Variants in AZIN2 observed in about 807,000 individuals in gnomAD.
AZIN2 encodes the protein ODC antizyme inhibitor-2.
AZIN2 carries 28 observed loss-of-function variants against 47.8 expected under a neutral mutation model. The observed-to-expected ratio is 0.59, with a 90% CI of 0.43 to 0.80. The LOEUF (loss-of-function observed/expected upper bound fraction) is 0.80, where lower values mean the gene tolerates loss of function less well. Ranked by LOEUF, AZIN2 falls within the 30% of genes least tolerant of loss-of-function variation. AZIN2 has a pLI of 0.00. For missense variants in AZIN2, 535 were observed against 582.5 expected, an observed-to-expected ratio of 0.92 and a Z score of 0.84; for synonymous variants, 221 against 239.4, an observed-to-expected ratio of 0.92 and a Z score of 0.71.
the AZIN2 span, among the ~76,000 whole-genome samples, chr1:33,149,473 C>T: frequency 6.7e-6 from 1 of 148,972 alleles, no homozygotes; most frequent in South Asian, 2.1e-4. Flanking sequence ...AAAAAAAATA[C>T]AGACAGGGTC....
intron 4 of AZIN2, chr1:33,082,694 C>A: frequency 4.9e-6 from 1 of 204,094 alleles, no homozygotes; most frequent in Non-Finnish European, 1.0e-5. Flanking sequence ...ACCTCGCTTT[C>A]TAGTTCAGTC....
chr1:33,165,496 A>G, the AZIN2 span: 11 of 1,608,426 alleles, frequency 6.8e-6, no homozygotes, highest in East Asian at 2.5e-4. This position sits in a 1 kb window ranked among gnomAD's most constrained non-coding sequence, Gnocchi z 4.0. Flanking sequence ...TTGTCGCTTG[A>G]GCAGCTGCAG....
chr1:33,136,790 A>T, the AZIN2 span, among the ~76,000 whole-genome samples: 1 of 151,560 alleles, frequency 6.6e-6, no homozygotes, highest in Non-Finnish European at 1.5e-5. Flanking sequence ...AGAGGTCAGG[A>T]GTCCGAGACC....
At chr1:33,129,267 TG>T in the AZIN2 span, among the ~76,000 whole-genome samples, 1 of 152,194 alleles carries the variant, frequency 6.6e-6, no homozygotes, top group African/African-American at 2.4e-5. This position sits in a 1 kb window ranked among gnomAD's most constrained non-coding sequence, Gnocchi z 4.1. Flanking sequence ...ACTTATGGGT[TG>T]GGGGTTCATC....
chr1:33,127,264 G>C (rs755984534), downstream of AZIN2, among the ~76,000 whole-genome samples: 3 of 152,258 alleles, frequency 2.0e-5, no homozygotes, highest in Admixed American at 2.0e-4. Flanking sequence ...GGAACCCCCA[G>C]CTCACGGCCC....
the AZIN2 span, among the ~76,000 whole-genome samples, chr1:33,159,188 A>G: frequency 6.6e-6 from 1 of 152,110 alleles, no homozygotes; most frequent in South Asian, 2.1e-4. This position sits in a 1 kb window ranked among gnomAD's most constrained non-coding sequence, Gnocchi z 4.2. Context: ...TGACAGTGGT[A>G]ACTACTTTCA....
intron 10 of AZIN2, among the ~76,000 whole-genome samples, chr1:33,104,027 C>T (rs903563903): frequency 4.6e-5 from 7 of 151,874 alleles, no homozygotes; most frequent in Admixed American, 2.0e-4. Flanking sequence ...GGATTACAGG[C>T]GCCCGTCACT....
At chr1:33,130,025 A>G in the AZIN2 span, among the ~76,000 whole-genome samples, 2 of 151,842 alleles carry the variant, frequency 1.3e-5, no homozygotes, top group Non-Finnish European at 2.9e-5. Flanking sequence ...ATGCCTGGCT[A>G]ATTTTGTATT....
Position 33,114,652 on chromosome 1 carries a change from CT to C in AZIN2, c.1030-3229del, listed in dbSNP as rs35317929. ...ACAGGCATGAGCCACCGCGACCCGC[CT>C]TTTTTTTTTTTTTTTTTTTTGAGAT... On this transcript the variant is annotated intron_variant, in intron 10 of 11. Coordinates refer to ENST00000294517, the MANE Select transcript of AZIN2 (RefSeq NM_052998.4). Among the ~76,000 whole-genome samples, 365 of 79,880 alleles carry C rather than the reference CT, an allele frequency of 4.6e-3. No individual in the cohort carries two copies. The East Asian group carries it at 0.05, about 11-fold the overall frequency. The allele number at this position is 79,880 out of a possible 152,430, so 52.4% of individuals were successfully genotyped here.
intron 10 of AZIN2, among the ~76,000 whole-genome samples, chr1:33,107,405 C>T (rs1459770806): frequency 3.3e-5 from 5 of 152,006 alleles, no homozygotes; most frequent in Non-Finnish European, 7.4e-5. Context: ...TATGGTGAAG[C>T]CCTGTCTCTA....
the AZIN2 span, among the ~76,000 whole-genome samples, chr1:33,145,166 C>T: frequency 2.0e-5 from 3 of 152,306 alleles, no homozygotes; most frequent in South Asian, 6.2e-4. Flanking sequence ...GACAGCCTTC[C>T]CTGGCTGGTA....
intron 7 of AZIN2, 48 bp from the exon 8 acceptor site, chr1:33,094,500 G>T: frequency 6.4e-7 from 1 of 1,574,756 alleles, no homozygotes. Context: ...CTCAGGTGGT[G>T]GCACTTGGAG....
the AZIN2 span, chr1:33,165,547 A>T: frequency 6.2e-7 from 1 of 1,609,986 alleles, no homozygotes; most frequent in Non-Finnish European, 8.5e-7. This position sits in a 1 kb window ranked among gnomAD's most constrained non-coding sequence, Gnocchi z 4.0. Flanking sequence ...AAGGGCCTGA[A>T]GTTGGTCCTT....
At chr1:33,108,992 A>G (rs1047639245) in intron 10 of AZIN2, among the ~76,000 whole-genome samples, 13 of 152,232 alleles carry the variant, frequency 8.5e-5, no homozygotes, top group Non-Finnish European at 1.6e-4. Flanking sequence ...CCCACCAGCA[A>G]TGAATGGGAG....
chr1:33,151,189 A>T, the AZIN2 span, among the ~76,000 whole-genome samples: 3 of 152,066 alleles, frequency 2.0e-5, no homozygotes, highest in African/African-American at 7.3e-5. Flanking sequence ...TGCAGATTGG[A>T]GGAAATCCTG....
intron 8 of AZIN2, among the ~76,000 whole-genome samples, chr1:33,095,847 T>TC (rs1643094367): frequency 6.6e-6 from 1 of 151,680 alleles, no homozygotes; most frequent in African/African-American, 2.4e-5. Flanking sequence ...AGGAAATAAT[T>TC]TTTTTTTTGA....
At chr1:33,083,864 C>T (rs954989982) in intron 4 of AZIN2, 90 bp from the exon 5 acceptor site, 1 of 1,517,962 alleles carries the variant, frequency 6.6e-7, no homozygotes, top group Non-Finnish European at 9.0e-7. Context: ...CAGTACTGAA[C>T]CTGGGTCAGG....
At chr1:33,145,629 A>G in the AZIN2 span, 1 of 259,106 alleles carries the variant, frequency 3.9e-6, no homozygotes, top group East Asian at 1.1e-4. Flanking sequence ...TGTGTCAGAG[A>G]CCCCAAGTGC....
the AZIN2 span, among the ~76,000 whole-genome samples, chr1:33,132,791 C>T: frequency 8.5e-5 from 13 of 152,306 alleles, no homozygotes; most frequent in African/African-American, 3.1e-4. Context: ...AACCATGAAC[C>T]TTGTGGTTGA....
Sources: gnomAD v4.1 joint callset for allele counts (sites outside exome capture counted in the v4.1 genomes callset) on GRCh38, gnomAD v4.1.1 for gene constraint, Gnocchi (gnomAD v3.1) non-coding constraint, MANE v1.5 for transcripts, NCBI Gene and HGNC (gene_info 2026-07-23, HGNC 2026-07-21) for gene names.